The following CDH13 variants were observed in gnomAD, a reference collection of about 807,000 sequenced individuals.
CDH13 encodes cadherin 13.
CDH13 carries 24 observed loss-of-function variants against 63.8 expected under a neutral mutation model. That is an observed-to-expected ratio of 0.38 (90% CI 0.27 to 0.53). The LOEUF is 0.53. CDH13 is among the 20% of genes least tolerant of loss of function. CDH13 has a pLI of 0.85. For missense variants in CDH13, 1,049 were observed against 903.1 expected, an observed-to-expected ratio of 1.16 and a Z score of -2.07; for synonymous variants, 503 against 355.3, an observed-to-expected ratio of 1.42 and a Z score of -4.67.
chr16:83,102,540 A>G (rs969437949), intron 3 of CDH13, among the ~76,000 whole-genome samples: 4 of 152,160 alleles, frequency 2.6e-5, no homozygotes, highest in Non-Finnish European at 5.9e-5. Flanking sequence ...GTAACCCGGA[A>G]CAAGGACACT....
At chr16:82,919,585 C>T (rs1028820018) in intron 2 of CDH13, among the ~76,000 whole-genome samples, 3 of 152,100 alleles carry the variant, frequency 2.0e-5, no homozygotes, top group Non-Finnish European at 4.4e-5. Context: ...GTACTTGTAC[C>T]ACATTTTCTT....
At chr16:82,950,505 G>C (rs1309000836) in intron 2 of CDH13, among the ~76,000 whole-genome samples, 3 of 152,148 alleles carry the variant, frequency 2.0e-5, no homozygotes, top group Non-Finnish European at 4.4e-5. Context: ...CAGGAGATCT[G>C]ATGGTTTTAG....
intron 2 of CDH13, among the ~76,000 whole-genome samples, chr16:83,001,960 A>C (rs72794156): frequency 0.1 from 15,608 of 152,166 alleles, 896 homozygotes; most frequent in African/African-American, 0.16. Flanking sequence ...AAAGGAGCTC[A>C]CCTTAAAAGT....
chr16:82,824,869 A>G (rs771919352), intron 1 of CDH13: 16 of 152,236 alleles, frequency 1.1e-4, no homozygotes, highest in Admixed American at 2.0e-4. Context: ...GTTTGCTGCC[A>G]TTTAGAAATT....
At chr16:83,685,135 C>T (rs914074902) in intron 10 of CDH13, among the ~76,000 whole-genome samples, 3 of 152,210 alleles carry the variant, frequency 2.0e-5, no homozygotes, top group South Asian at 4.1e-4. Context: ...GGAAGTCATC[C>T]ACATTTTTAT....
chr16:83,605,926 A>T (rs575226355), intron 8 of CDH13, among the ~76,000 whole-genome samples: 1 of 152,318 alleles, frequency 6.6e-6, no homozygotes, highest in African/African-American at 2.4e-5. Context: ...TGTAAAATGC[A>T]TCACTATGAG....
intron 10 of CDH13, among the ~76,000 whole-genome samples, chr16:83,717,632 T>C (rs1232036970): frequency 6.6e-6 from 1 of 152,254 alleles, no homozygotes; most frequent in African/African-American, 2.4e-5. Context: ...TGAGCTCCTT[T>C]CACCTCTCAC....
intron 1 of CDH13, among the ~76,000 whole-genome samples, chr16:82,678,471 A>G (rs1233537194): frequency 6.6e-6 from 1 of 152,128 alleles, no homozygotes; most frequent in East Asian, 1.9e-4. Context: ...GGTTATGTTT[A>G]CCTTCTTATC....
intron 6 of CDH13, among the ~76,000 whole-genome samples, chr16:83,359,877 A>G (rs911904935): frequency 2.6e-5 from 4 of 152,324 alleles, no homozygotes; most frequent in African/African-American, 7.2e-5. Context: ...TTGTGCGATC[A>G]TTGCCACAGT....
intron 4 of CDH13, among the ~76,000 whole-genome samples, chr16:83,210,029 C>T (rs1034767716): frequency 2.0e-5 from 3 of 152,030 alleles, no homozygotes; most frequent in African/African-American, 7.2e-5. Context: ...ATTTTACCCT[C>T]TGGCAGAGGG....
At chr16:83,600,165 G>C (rs537336405) in intron 7 of CDH13, among the ~76,000 whole-genome samples, 33 of 152,320 alleles carry the variant, frequency 2.2e-4, no homozygotes, top group Non-Finnish European at 4.6e-4. Context: ...GGCATCTCAA[G>C]CACCTTCGCA....
chr16:83,328,349 C>G (rs2090413293), intron 5 of CDH13, among the ~76,000 whole-genome samples: 1 of 151,920 alleles, frequency 6.6e-6, no homozygotes, highest in Non-Finnish European at 1.5e-5. Flanking sequence ...TGAAGAACAC[C>G]AAGAAGGAAT....
intron 6 of CDH13, among the ~76,000 whole-genome samples, chr16:83,372,744 C>T (rs1024838016): frequency 9.0e-5 from 10 of 110,650 alleles, no homozygotes; most frequent in African/African-American, 3.3e-4. Flanking sequence ...GAGCGAGACT[C>T]GGTCTAAAAA....
rs533841850 is a variant in CDH13, at chr16:83,245,333, T to G, written c.636+27836T>G. ...CAGTCCTATTCAATGTAGCATTAAA[T>G]GCTGAGAAAATCCATAGCAGGAAAG... On this transcript the variant is annotated intron_variant, in intron 5 of 13. Transcript: ENST00000567109. 6.6e-5 allele frequency among the ~76,000 whole-genome samples: 10 copies of G among 152,328 alleles called. No individual in the cohort carries two copies. In the South Asian group the frequency reaches 2.1e-3, roughly 32 times the overall value.
At chr16:82,983,981 C>G (rs937958875) in intron 2 of CDH13, among the ~76,000 whole-genome samples, 1 of 152,192 alleles carries the variant, frequency 6.6e-6, no homozygotes, top group African/African-American at 2.4e-5. Flanking sequence ...GCCATAGATA[C>G]AAGGACTTTC....
chr16:83,414,209 G>A (rs766776574), intron 6 of CDH13, among the ~76,000 whole-genome samples: 39 of 152,222 alleles, frequency 2.6e-4, no homozygotes, highest in Non-Finnish European at 5.1e-4. Context: ...GAATCAACAT[G>A]CTCAACCATT....
At chr16:82,805,525 A>T (rs879898311) in intron 1 of CDH13, among the ~76,000 whole-genome samples, 1 of 152,194 alleles carries the variant, frequency 6.6e-6, no homozygotes, top group Admixed American at 6.5e-5. Flanking sequence ...GGGGGCCTAT[A>T]TGGAACTGCG....
chr16:83,086,241 C>G (rs1347429218), intron 3 of CDH13, among the ~76,000 whole-genome samples: 2 of 152,188 alleles, frequency 1.3e-5, no homozygotes, highest in East Asian at 3.9e-4. Flanking sequence ...ACAGTCAAGA[C>G]ATTTCCCCAA....
At chr16:83,091,004 G>C (rs2033879526) in intron 3 of CDH13, among the ~76,000 whole-genome samples, 1 of 151,756 alleles carries the variant, frequency 6.6e-6, no homozygotes, top group African/African-American at 2.4e-5. Context: ...GTTTGTTACT[G>C]TAATTTTTCT....
Sources: allele counts gnomAD v4.1 joint callset (sites outside exome capture counted in the v4.1 genomes callset), GRCh38; gene constraint gnomAD v4.1.1; transcripts MANE v1.5; gene names NCBI Gene and HGNC (gene_info 2026-07-23, HGNC 2026-07-21).